The following THSD7A variants were observed in gnomAD, a reference collection of about 807,000 sequenced individuals.
THSD7A encodes thrombospondin type 1 domain containing 7A.
In THSD7A, 96 loss-of-function variants were observed where a neutral mutation model predicts 231.3. The observed-to-expected ratio is 0.41, with a 90% CI of 0.35 to 0.49. The LOEUF is 0.49. THSD7A is among the 20% of genes least tolerant of loss of function. The pLI, the probability that THSD7A is intolerant of heterozygous loss-of-function variation, is 0.05. For missense variants in THSD7A, 2,290 were observed against 2,070.2 expected (o/e 1.11, Z -2.06); for synonymous variants, 940 against 743.3 (o/e 1.26, Z -4.30).
At chr7:11,522,067 T>C (rs1442656684) in intron 6 of THSD7A, among the ~76,000 whole-genome samples, 1 of 152,138 alleles carries the variant, frequency 6.6e-6, no homozygotes, top group Non-Finnish European at 1.5e-5. Flanking sequence ...TGACCAAAAT[T>C]AGGAAAAGTA....
At chr7:11,786,766 A>AG (rs200125749) in intron 1 of THSD7A, among the ~76,000 whole-genome samples, 1,922 of 130,636 alleles carry the variant, frequency 0.015, 43 homozygotes, top group African/African-American at 0.053. Flanking sequence ...TAATAAAAAA[A>AG]AAAAAAAAAA....
chr7:11,380,178 T>C (rs1030438130), intron 24 of THSD7A, among the ~76,000 whole-genome samples: 20 of 152,322 alleles, frequency 1.3e-4, no homozygotes, highest in Admixed American at 9.2e-4. Context: ...TATTTCTTTT[T>C]CAGAAAAGTC....
chr7:11,503,047 C>T (rs2189315), intron 6 of THSD7A, among the ~76,000 whole-genome samples: 18,182 of 152,156 alleles, frequency 0.12, 1,281 homozygotes, highest in Middle Eastern at 0.17. Context: ...GCATCACATT[C>T]CCCTCTTCAA....
chr7:11,602,876 C>T (rs1354882838), intron 2 of THSD7A, among the ~76,000 whole-genome samples: 2 of 150,486 alleles, frequency 1.3e-5, no homozygotes, highest in Non-Finnish European at 1.5e-5. Flanking sequence ...TTAGGTCTAA[C>T]GTTGATGGAT....
chr7:11,718,601 T>G (rs1159197487), intron 1 of THSD7A, among the ~76,000 whole-genome samples: 1 of 151,684 alleles, frequency 6.6e-6, no homozygotes, highest in East Asian at 2.0e-4. Context: ...AAATCATCAA[T>G]CTCTGACTAA....
At chr7:11,738,367 G>A (rs976931742) in intron 1 of THSD7A, among the ~76,000 whole-genome samples, 5 of 151,962 alleles carry the variant, frequency 3.3e-5, no homozygotes, top group Non-Finnish European at 7.4e-5. Flanking sequence ...ATTCATAATA[G>A]TTCTTAGAGT....
At chr7:11,748,544 C>A (rs1782389505) in intron 1 of THSD7A, among the ~76,000 whole-genome samples, 1 of 151,746 alleles carries the variant, frequency 6.6e-6, no homozygotes, top group African/African-American at 2.4e-5. Context: ...GTAATTTAAA[C>A]CTTATTCACC....
intron 2 of THSD7A, among the ~76,000 whole-genome samples, chr7:11,629,596 A>C (rs1781583111): frequency 1.3e-5 from 2 of 152,156 alleles, no homozygotes; most frequent in Admixed American, 6.6e-5. Context: ...TTAGATTTGC[A>C]ATTTTACTGA....
chr7:11,698,162 C>A (rs1431051124), intron 1 of THSD7A, among the ~76,000 whole-genome samples: 1 of 151,160 alleles, frequency 6.6e-6, no homozygotes, highest in Non-Finnish European at 1.5e-5. Flanking sequence ...AAATATGATA[C>A]GATTATTTCT....
chr7:11,380,619 C>T (rs1782473611), intron 24 of THSD7A, among the ~76,000 whole-genome samples: 1 of 152,134 alleles, frequency 6.6e-6, no homozygotes, highest in South Asian at 2.1e-4. Context: ...TAATTGGCCA[C>T]ACTGAAGTTA....
At chr7:11,549,010 A>T (rs1789515369) in intron 4 of THSD7A, among the ~76,000 whole-genome samples, 1 of 152,174 alleles carries the variant, frequency 6.6e-6, no homozygotes, top group Non-Finnish European at 1.5e-5. Context: ...TATCCATCTG[A>T]CAAAGGTCTA....
chr7:11,603,508 C>G (rs1780625249), intron 2 of THSD7A, among the ~76,000 whole-genome samples: 1 of 151,672 alleles, frequency 6.6e-6, no homozygotes, highest in Non-Finnish European at 1.5e-5. Context: ...TACCATTTGA[C>G]CCAGCCATCC....
At chr7:11,513,654 T>C (rs898858436) in intron 6 of THSD7A, among the ~76,000 whole-genome samples, 3 of 152,062 alleles carry the variant, frequency 2.0e-5, no homozygotes, top group African/African-American at 4.8e-5. Context: ...GACAGGGAAA[T>C]AGACAGTGAA....
chr7:11,407,409 C>A lies in THSD7A; in HGVS notation c.3813G>T (p.Lys1271Asn), dbSNP rs778014251. 1 of 1,612,796 alleles carries A rather than the reference C, an allele frequency of 6.2e-7. No individual in the cohort carries two copies. Residue 1271 changes from lysine (K) to asparagine (N), a missense_variant, in exon 20 of 28, where the codon AAG (lysine) becomes AAT (asparagine). By Grantham distance (94) the Lys-to-Asn change is moderately conservative. Transcript: ENST00000423059. ...LKYCEALGLEKNWQMNTSCMV... is the reference protein window; with the variant it reads ...LKYCEALGLENNWQMNTSCMV... ...TGCAGGACGTGTTCATCTGCCAGTT[C>A]TTCTCCAAGCCAAGCTGGAAGAACA...
chr7:11,762,354 C>T (rs1380281163), intron 1 of THSD7A, among the ~76,000 whole-genome samples: 1 of 152,106 alleles, frequency 6.6e-6, no homozygotes, highest in Non-Finnish European at 1.5e-5. Flanking sequence ...ACATTTCCAC[C>T]AGCAATGTCT....
intron 1 of THSD7A, among the ~76,000 whole-genome samples, chr7:11,729,066 C>T (rs558022405): frequency 2.0e-4 from 30 of 151,824 alleles, no homozygotes; most frequent in Admixed American, 1.9e-3. Context: ...GAAATGATAT[C>T]TAGACAACAC....
intron 1 of THSD7A, among the ~76,000 whole-genome samples, chr7:11,746,336 T>C (rs1200872255): frequency 1.3e-5 from 2 of 151,896 alleles, no homozygotes; most frequent in East Asian, 3.9e-4. Flanking sequence ...ACTGGTATAT[T>C]ACTATTAACT....
rs182962610 is a variant in THSD7A, at chr7:11,730,403, T to C, written c.191-93442A>G. Among the ~76,000 whole-genome samples the C allele has an allele frequency of 1.7e-3, 253 of 151,724 alleles. 1 individual carries two copies. Among genetic ancestry groups the C allele is most frequent in the Middle Eastern group, 0.01 (3 of 294 alleles). On this transcript the variant is annotated intron_variant, in intron 1 of 27. Transcript: ENST00000423059. The stretch of plus-strand genomic sequence containing the variant: ...TCTGAACTTCACAATCTTCCTTTTT[T>C]CTTTTTAATTTATATTTATATTATT...
At chr7:11,684,711 C>T (rs182766360) in intron 1 of THSD7A, among the ~76,000 whole-genome samples, 11 of 151,866 alleles carry the variant, frequency 7.2e-5, no homozygotes, top group East Asian at 1.9e-4. Context: ...CTACCAAACA[C>T]GGCTGAAACA....
Sources: allele counts gnomAD v4.1 joint callset (sites outside exome capture counted in the v4.1 genomes callset), GRCh38; gene constraint gnomAD v4.1.1; transcripts MANE v1.5; gene names NCBI Gene and HGNC (gene_info 2026-07-23, HGNC 2026-07-21).